The following FAM193B variants were observed in gnomAD, a reference collection of about 807,000 sequenced individuals.
FAM193B encodes the protein family with sequence similarity 193 member B.
A neutral mutation model predicts 70.7 loss-of-function variants in FAM193B; 27 were observed. The ratio of observed to expected loss-of-function variants is 0.38; its 90% CI spans 0.28 to 0.53. FAM193B has a LOEUF of 0.53. Ranked by LOEUF, FAM193B falls within the 20% of genes least tolerant of loss-of-function variation. The pLI is 0.81. For synonymous variants in FAM193B, 448 were observed against 436.0 expected, an observed-to-expected ratio of 1.03 and a Z score of -0.34; for missense variants, 1,022 against 1,072.5, an observed-to-expected ratio of 0.95 and a Z score of 0.66.
chr5:177,552,335 A>C (rs1766370314), intron 1 of FAM193B, among the ~76,000 whole-genome samples: 1 of 152,074 alleles, frequency 6.6e-6, no homozygotes, highest in African/African-American at 2.4e-5. Context: ...GGAAGATTAG[A>C]AGTAAGGTAT....
rs1764534553 is a variant in FAM193B, at chr5:177,539,072, C to T, written c.286G>A (p.Gly96Ser). Residue 96 changes from glycine to serine, a missense_variant, in exon 2 of 9, where the codon GGC becomes AGC. Transcript: ENST00000514747. ...AACACCAGTCCATTTTGAGAAGGGC[C>T]TTCTTCCCAGCCTTTGCGTTCCCGG... is the stretch of plus-strand genomic sequence containing the variant. ...CHRERKGWEEGPSQNGLVLQG... is the reference protein window; with the variant it reads ...CHRERKGWEESPSQNGLVLQG... 1.2e-6 allele frequency: 2 copies of T among 1,613,632 alleles called. No homozygotes were observed. Among genetic ancestry groups the T allele is most frequent in the Non-Finnish European group, 8.5e-7 (1 of 1,179,698 alleles).
intron 8 of FAM193B, among the ~76,000 whole-genome samples, chr5:177,520,663 A>C (rs1761586186): frequency 6.6e-6 from 1 of 152,220 alleles, no homozygotes; most frequent in Admixed American, 6.5e-5. Flanking sequence ...TGAATGACAG[A>C]ACTGGGCTTG....
intron 4 of FAM193B, among the ~76,000 whole-genome samples, chr5:177,533,391 G>A (rs1394916690): frequency 6.7e-6 from 1 of 149,312 alleles, no homozygotes; most frequent in Non-Finnish European, 1.5e-5. Flanking sequence ...TGCAAACTCC[G>A]CCTCCCAGGT....
chr5:177,553,491 G>A (rs1256660963), intron 1 of FAM193B: 2 of 1,113,152 alleles, frequency 1.8e-6, no homozygotes, highest in South Asian at 2.0e-5. Flanking sequence ...AACTTTGGCA[G>A]GGTACCTCCC....
intron 1 of FAM193B, among the ~76,000 whole-genome samples, chr5:177,548,407 AATATC>A (rs1330234983): frequency 3.3e-5 from 5 of 152,220 alleles, no homozygotes; most frequent in Non-Finnish European, 7.3e-5. Flanking sequence ...GAAGTTGGCA[AATATC>A]ATTAATAGAT....
intron 1 of FAM193B, chr5:177,553,865 C>A (rs1581960545): frequency 7.9e-7 from 1 of 1,259,606 alleles, no homozygotes. Context: ...TCGTCCAGTC[C>A]CAGAGCCCCG....
At chr5:177,522,503 T>C (rs1463806863) in intron 7 of FAM193B, among the ~76,000 whole-genome samples, 1 of 152,078 alleles carries the variant, frequency 6.6e-6, no homozygotes, top group Non-Finnish European at 1.5e-5. Context: ...TTTTTAAAAT[T>C]ACTATTTTTT....
intron 8 of FAM193B, 82 bp downstream of exon 8, chr5:177,521,892 C>T (rs1371694278): frequency 9.1e-7 from 1 of 1,097,026 alleles, no homozygotes; most frequent in Non-Finnish European, 1.4e-6. Context: ...TGCCCCAGAG[C>T]ACAGAATGGT....
intron 8 of FAM193B, among the ~76,000 whole-genome samples, chr5:177,520,446 C>T (rs1202092938): frequency 6.6e-6 from 1 of 152,192 alleles, no homozygotes; most frequent in East Asian, 1.9e-4. Context: ...ACTTGCTGTC[C>T]ATCAGCAGGG....
rs1766781161 is a variant in FAM193B at position 177,554,429 on chromosome 5, G to A, written c.30C>T (p.Gly10=). 2 of 1,078,340 alleles carry A rather than the reference G, an allele frequency of 1.9e-6. No individual in the cohort carries two copies. The highest frequency in any genetic ancestry group is 4.4e-5 in the South Asian group (1 of 22,818). The allele number at this position is 1,078,340 out of a possible 1,614,324, so 66.8% of individuals were successfully genotyped here. Reference sequence around the variant, plus strand: ...GAGCCCGCTCGCGCCTGCCCGCACCGCCGCTCGGCCTGCTCCGCCTCCGCG... The same window carrying A: ...GAGCCCGCTCGCGCCTGCCCGCACCACCGCTCGGCCTGCTCCGCCTCCGCG... MTRRRSRPS[G]GAGRRERARA... is the part of the protein sequence containing the mutation. Residue 10 remains glycine, a synonymous_variant, in exon 1 of 9, where the codon GGC becomes GGT. Transcript: ENST00000514747.
intron 1 of FAM193B, among the ~76,000 whole-genome samples, chr5:177,546,044 G>C (rs1765387390): frequency 1.3e-5 from 2 of 152,218 alleles, no homozygotes; most frequent in South Asian, 4.1e-4. Flanking sequence ...TTCAGAAGCA[G>C]AGAAAATGAT....
Position 177,532,561 on chromosome 5 carries a change from C to T in FAM193B, c.1157G>A (p.Gly386Glu). Residue 386 changes from glycine to glutamate, a missense_variant, in exon 5 of 9, where the codon GGG becomes GAG. Gly to Glu is a moderately conservative substitution (Grantham distance 98). Transcript: ENST00000514747. The surrounding 1 kb of genome is among the most constrained non-coding windows in gnomAD (Gnocchi z 4.9). ...QLPQPCEADE[G>E]LGEEEDSSSE... ...GCTGCTATCCTCTTCCTCACCCAGC[C>T]CCTCATCTGCCTCGCAGGGCTGGGG... 1.2e-6 allele frequency: 2 copies of T among 1,605,088 alleles called. No homozygotes were observed. The highest frequency in any genetic ancestry group is 1.7e-6 in the Non-Finnish European group (2 of 1,176,736).
At position 177,525,038 on chromosome 5, in the gene FAM193B, A is replaced by G. The variant is rs763237488; in HGVS notation, c.1443T>C (p.Thr481=). ...LSSRLQEIKN[T]VKDSIRASFS... is the part of the protein sequence containing the mutation. ...AGCTGGCACGGATGGAGTCTTTGACAGTGTTTTTGATCTCCTGCAGACGGC... is the reference window on the plus strand; with the variant it reads ...AGCTGGCACGGATGGAGTCTTTGACGGTGTTTTTGATCTCCTGCAGACGGC... The change falls in exon 6 of 9, where the codon ACT becomes ACC. Residue 481 remains threonine, a synonymous_variant. Coordinates refer to ENST00000514747, the MANE Select transcript of FAM193B (RefSeq NM_001190946.3). 3 of 1,581,340 alleles carry G rather than the reference A, an allele frequency of 1.9e-6. No individual in the cohort carries two copies. Among genetic ancestry groups the G allele is most frequent in the South Asian group, 2.3e-5 (2 of 86,128 alleles).
rs1764173365 is a variant in FAM193B at position 177,536,448 on chromosome 5, C to T, written c.986G>A (p.Cys329Tyr). The T allele has an allele frequency of 1.9e-6, 3 of 1,588,752 alleles. No homozygotes were observed. The highest frequency in any genetic ancestry group is 1.4e-5 in the African/African-American group (1 of 73,530). Residue 329 changes from cysteine (C) to tyrosine (Y), a missense_variant, in exon 4 of 9, where the codon TGC (cysteine) becomes TAC (tyrosine). By Grantham distance (194) the Cys-to-Tyr change is radical (BLOSUM62 -2). Transcript: ENST00000514747. ...ACAGTGCCCGCTGCAGGGGTGGCTG[C>T]ACCCCGAGAATGGTGGGGGCATCTT... is the stretch of plus-strand genomic sequence containing the variant. ...LLKMPPPFSG[C>Y]SHPCSGHCGG... is the part of the protein sequence containing the mutation.
rs1466791797 is a variant in FAM193B at position 177,524,991 on chromosome 5, A to C, written c.1490T>G (p.Met497Arg). 30 of 1,525,680 alleles carry C rather than the reference A, an allele frequency of 2.0e-5. No individual in the cohort carries two copies. The Admixed American group carries it at 6.6e-4, about 33-fold the overall frequency. The allele number at this position is 1,525,680 out of a possible 1,614,324, so 94.5% of individuals were successfully genotyped here. The change falls in exon 6 of 9, where the codon ATG becomes AGG. Residue 497 changes from methionine (M) to arginine (R), a missense_variant. Met to Arg is a moderately conservative substitution (Grantham distance 91). Transcript: ENST00000514747. ...CTCCTTAGAGAAGCCATTGCTGTCC[A>C]TGCTGAGCTCACACACACTGAAGCT... ...RASFSVCELS[M>R]DSNGFSKEGA...
At position 177,537,774 on chromosome 5, in the gene FAM193B, T is replaced by G. The variant is rs576169202; in HGVS notation, c.688+99A>C. 27 of 1,435,286 alleles carry G rather than the reference T, an allele frequency of 1.9e-5. No homozygotes were observed. The South Asian group carries it at 4.1e-4, about 22-fold the overall frequency. The allele number at this position is 1,435,286 out of a possible 1,614,324, so 88.9% of individuals were successfully genotyped here. A position where few individuals can be genotyped will look rare whatever the true frequency, so the allele number is the denominator to read the frequency against. Reference sequence around the variant, plus strand: ...CAGAACAGTTCCACTTTTACTTATTTTAGTAACCAGTCTTATGATTTGTTT... The same window carrying G: ...CAGAACAGTTCCACTTTTACTTATTGTAGTAACCAGTCTTATGATTTGTTT... On this transcript the variant is annotated intron_variant, in intron 3 of 8. Coordinates refer to ENST00000514747, the MANE Select transcript of FAM193B (RefSeq NM_001190946.3).
intron 5 of FAM193B, among the ~76,000 whole-genome samples, chr5:177,527,988 T>C (rs900856418): frequency 2.6e-5 from 4 of 152,068 alleles, no homozygotes; most frequent in Non-Finnish European, 5.9e-5. Flanking sequence ...GGAAACACTA[T>C]TGGGCTGTTT....
In FAM193B at chr5:177,523,991, C is replaced by G. The variant is rs776951400; in HGVS notation, c.2338G>C (p.Asp780His). The G allele has an allele frequency of 6.2e-7, 1 of 1,614,072 alleles. No individual in the cohort carries two copies. Among genetic ancestry groups the G allele is most frequent in the Admixed American group, 1.7e-5 (1 of 60,032 alleles). The change falls in exon 7 of 9, where the codon GAT (aspartate) becomes CAT (histidine). Residue 780 changes from aspartate (D) to histidine (H), a missense_variant. Physicochemically the swap from Asp to His is moderately conservative, Grantham distance 81. Coordinates refer to ENST00000514747, the MANE Select transcript of FAM193B (RefSeq NM_001190946.3). The part of the protein sequence containing the change: ...LPKDMDGVEM[D>H]ETDREVEYFK... Reference sequence around the variant, plus strand: ...TACTCCACCTCTCGGTCAGTCTCATCCATCTCCACCCCGTCCATGTCCTTG... The same window carrying G: ...TACTCCACCTCTCGGTCAGTCTCATGCATCTCCACCCCGTCCATGTCCTTG...
intron 1 of FAM193B, among the ~76,000 whole-genome samples, chr5:177,541,588 T>G (rs547072498): frequency 2.6e-4 from 39 of 152,172 alleles, no homozygotes; most frequent in Admixed American, 7.2e-4. Flanking sequence ...CCGGCTAATT[T>G]TTTTGTATTT....
Sources: allele counts gnomAD v4.1 joint callset (sites outside exome capture counted in the v4.1 genomes callset), GRCh38; gene constraint gnomAD v4.1.1; non-coding constraint Gnocchi (gnomAD v3.1); transcripts MANE v1.5; gene names NCBI Gene and HGNC (gene_info 2026-07-23, HGNC 2026-07-21).